Variants in SIPA1L2 observed in about 807,000 individuals in gnomAD.
The protein encoded by SIPA1L2 is signal-induced proliferation-associated 1-like protein 2.
SIPA1L2 carries 56 observed loss-of-function variants against 163.9 expected under a neutral mutation model. The observed-to-expected ratio is 0.34, with a 90% CI of 0.28 to 0.43. The LOEUF is 0.43. Ranked by LOEUF, SIPA1L2 falls within the 20% of genes least tolerant of loss-of-function variation. The probability of loss-of-function intolerance (pLI) is 1.00; values close to 1 mark genes in which losing one functional copy is unlikely to be tolerated. For missense variants in SIPA1L2, 1,974 were observed against 2,193.5 expected (o/e 0.90, Z 2.00); for synonymous variants, 877 against 865.7 (o/e 1.01, Z -0.23).
chr1:232,538,183 AGGCCAGGATGG>A (rs908617242), intron 2 of SIPA1L2, among the ~76,000 whole-genome samples: 12 of 152,196 alleles, frequency 7.9e-5, no homozygotes, highest in African/African-American at 2.2e-4. Context: ...GATCACGGTC[AGGCCAGGATGG>A]GGCCAGGATG....
intron 2 of SIPA1L2, among the ~76,000 whole-genome samples, chr1:232,569,548 C>A (rs952849700): frequency 6.6e-6 from 1 of 152,204 alleles, no homozygotes; most frequent in African/African-American, 2.4e-5. Flanking sequence ...CATGGTGGCT[C>A]ACACCTGTAA....
At chr1:232,417,615 C>T (rs1158321366) in intron 18 of SIPA1L2, among the ~76,000 whole-genome samples, 2 of 151,966 alleles carry the variant, frequency 1.3e-5, no homozygotes, top group African/African-American at 2.4e-5. Context: ...AACTGGCTGT[C>T]GGGTCCTGTC....
At position 232,441,871 on chromosome 1, in the gene SIPA1L2, GA is replaced by G. The variant is rs757226371; in HGVS notation, c.3438-4del. The G allele has an allele frequency of 1.1e-5, 17 of 1,609,616 alleles. No individual in the cohort carries two copies. On this transcript the variant is annotated splice_region_variant and splice_polypyrimidine_tract_variant and intron_variant, in intron 12 of 22. Coordinates refer to ENST00000674635, the MANE Select transcript of SIPA1L2 (RefSeq NM_020808.5). ...CGAGCAGTAGAGGGGACTGGCACCT[GA>G]AAAGAACACAGAGTTGAGCCTGTCC...
At chr1:232,599,028 T>C (rs1661443839) in intron 1 of SIPA1L2, among the ~76,000 whole-genome samples, 1 of 151,390 alleles carries the variant, frequency 6.6e-6, no homozygotes, top group African/African-American at 2.4e-5. Flanking sequence ...TAAATGTAAT[T>C]CGACAGCTGC....
chr1:232,545,310 C>G (rs1408479640), intron 2 of SIPA1L2, among the ~76,000 whole-genome samples: 1 of 152,160 alleles, frequency 6.6e-6, no homozygotes, highest in Non-Finnish European at 1.5e-5. Context: ...TTCTAACTTT[C>G]TATTATACAC....
chr1:232,429,517 A>G (rs986195361), intron 16 of SIPA1L2, among the ~76,000 whole-genome samples: 4 of 152,132 alleles, frequency 2.6e-5, no homozygotes, highest in African/African-American at 7.2e-5. Flanking sequence ...AAAATCCTCT[A>G]TGGCTTTATT....
intron 7 of SIPA1L2, among the ~76,000 whole-genome samples, chr1:232,474,771 A>G (rs936281918): frequency 3.9e-5 from 6 of 152,200 alleles, no homozygotes; most frequent in African/African-American, 1.4e-4. Flanking sequence ...AATTTTAACG[A>G]GAGGAAAAAA....
At chr1:232,507,806 G>C (rs2103030445) in intron 3 of SIPA1L2, among the ~76,000 whole-genome samples, 1 of 152,278 alleles carries the variant, frequency 6.6e-6, no homozygotes, top group East Asian at 1.9e-4. Flanking sequence ...ATTGATAATG[G>C]CTCTTAAAAT....
intron 2 of SIPA1L2, among the ~76,000 whole-genome samples, chr1:232,531,241 C>T (rs529806643): frequency 8.1e-5 from 12 of 147,274 alleles, no homozygotes; most frequent in South Asian, 2.1e-4. Flanking sequence ...ACCTATCCGC[C>T]TTACCAACCA....
chr1:232,443,074 G>GC (rs761532032), intron 12 of SIPA1L2, among the ~76,000 whole-genome samples: 39 of 152,154 alleles, frequency 2.6e-4, no homozygotes, highest in South Asian at 4.1e-4. Flanking sequence ...GCACCCTGGT[G>GC]CCATGCTCCC....
intron 1 of SIPA1L2, among the ~76,000 whole-genome samples, chr1:232,577,798 C>T (rs137913549): frequency 6.6e-6 from 1 of 152,264 alleles, no homozygotes; most frequent in East Asian, 1.9e-4. Context: ...TGAGGAGTTG[C>T]TTTTTGTAGA....
At chr1:232,538,774 C>A (rs1657466075) in intron 2 of SIPA1L2, among the ~76,000 whole-genome samples, 1 of 151,840 alleles carries the variant, frequency 6.6e-6, no homozygotes, top group Non-Finnish European at 1.5e-5. Flanking sequence ...CATGAAGGTA[C>A]AATTTGAGTA....
At chr1:232,599,491 A>G (rs1016724292) in intron 1 of SIPA1L2, among the ~76,000 whole-genome samples, 1 of 152,192 alleles carries the variant, frequency 6.6e-6, no homozygotes, top group African/African-American at 2.4e-5. Context: ...TCTGTACGCT[A>G]TCAAATCAAA....
chr1:232,479,818 A>G, intron 6 of SIPA1L2, 88 bp from the exon 7 acceptor site: 1 of 1,103,372 alleles, frequency 9.1e-7, no homozygotes, highest in Non-Finnish European at 1.3e-6. Context: ...GCAAAAACAA[A>G]AAACAAAAAA....
Position 232,402,469 on chromosome 1 carries a change from G to A in SIPA1L2, c.4945C>T (p.Arg1649Cys), listed in dbSNP as rs761384366. Reference sequence around the variant, plus strand: ...TTCCCGGTCAGTGGTGATGGAGAACGCTCCCTAGCAAATAAGGATAGAATT... The same window carrying A: ...TTCCCGGTCAGTGGTGATGGAGAACACTCCCTAGCAAATAAGGATAGAATT... ...GKEFMDTTGERSPSPLTGKVN... is the reference protein window; with the variant it reads ...GKEFMDTTGECSPSPLTGKVN... Residue 1649 changes from arginine to cysteine, a missense_variant, in exon 22 of 23, where the codon CGT becomes TGT. By Grantham distance (180) the Arg-to-Cys change is radical. Around this residue, in one of 3 missense-constraint regions of SIPA1L2, gnomAD observed 1,079 missense variants for 1,150.7 expected, o/e 0.94. Coordinates refer to ENST00000674635, the MANE Select transcript of SIPA1L2 (RefSeq NM_020808.5). 8 of 1,612,406 alleles carry A rather than the reference G, an allele frequency of 5.0e-6. No homozygotes were observed. Among genetic ancestry groups the A allele is most frequent in the African/African-American group, 1.3e-5 (1 of 74,886 alleles).
chr1:232,524,881 T>A (rs1212934987), intron 2 of SIPA1L2, among the ~76,000 whole-genome samples: 1 of 152,204 alleles, frequency 6.6e-6, no homozygotes, highest in Non-Finnish European at 1.5e-5. Context: ...TTCTTCCTTG[T>A]ATTTTTCTAA....
At chr1:232,502,055 G>A (rs1666507738) in intron 3 of SIPA1L2, among the ~76,000 whole-genome samples, 1 of 152,230 alleles carries the variant, frequency 6.6e-6, no homozygotes. Context: ...TTAACCAGCA[G>A]TCTCAAACCC....
chr1:232,460,106 C>T (rs2102915747), intron 10 of SIPA1L2, among the ~76,000 whole-genome samples: 1 of 152,326 alleles, frequency 6.6e-6, no homozygotes, highest in East Asian at 1.9e-4. Context: ...GCTCTAGATA[C>T]TACCACCAGT....
chr1:232,443,786 C>T, intron 11 of SIPA1L2, 101 bp from the exon 12 acceptor site: 1 of 876,316 alleles, frequency 1.1e-6, no homozygotes, highest in South Asian at 2.3e-5. Flanking sequence ...TTGAGAATGA[C>T]AAAGAAAAGG....
Sources: allele counts gnomAD v4.1 joint callset (sites outside exome capture counted in the v4.1 genomes callset), GRCh38; gene constraint gnomAD v4.1.1; regional missense constraint gnomAD v4.1.1; transcripts MANE v1.5; gene names NCBI Gene and HGNC (gene_info 2026-07-23, HGNC 2026-07-21).